The following ARID5B variants were observed in gnomAD, a reference collection of about 807,000 sequenced individuals.
ARID5B encodes AT-rich interaction domain 5B, also known as AT-rich interactive domain-containing protein 5B.
A neutral mutation model predicts 97.2 loss-of-function variants in ARID5B; 13 were observed. That is an observed-to-expected ratio of 0.13 (90% confidence interval 0.09 to 0.21). The LOEUF (loss-of-function observed/expected upper bound fraction) is 0.21, where lower values mean the gene tolerates loss of function less well. Among genes scored for constraint, ARID5B ranks in the 10% least tolerant of loss-of-function variants. ARID5B has a pLI of 1.00. For synonymous variants in ARID5B, 556 were observed against 570.3 expected, an observed-to-expected ratio of 0.97 and a Z score of 0.36; for missense variants, 1,210 against 1,465.3, an observed-to-expected ratio of 0.83 and a Z score of 2.84.
chr10:62,064,008 C>T lies in ARID5B; in HGVS notation c.1101+4713C>T, dbSNP rs1839955382. Among the ~76,000 whole-genome samples, 3 of 152,156 alleles carry T rather than the reference C, an allele frequency of 2.0e-5. No homozygotes were observed. The South Asian group carries it at 6.2e-4, about 32-fold the overall frequency. On this transcript the variant is annotated intron_variant, in intron 7 of 9. Transcript: ENST00000279873. Reference sequence around the variant, plus strand: ...GAAATGGGTCTTGAGTACATCTTGTCCTCAAGGCACAGGGTGATACACAGT... The same window carrying T: ...GAAATGGGTCTTGAGTACATCTTGTTCTCAAGGCACAGGGTGATACACAGT...
At position 62,091,274 on chromosome 10, in the gene ARID5B, C is replaced by G; in HGVS notation, c.1811C>G (p.Pro604Arg). The G allele has an allele frequency of 1.2e-6, 2 of 1,614,188 alleles. No homozygotes were observed. Among genetic ancestry groups the G allele is most frequent in the Non-Finnish European group, 1.7e-6 (2 of 1,180,030 alleles). The change falls in exon 10 of 10, where the codon CCG (proline) becomes CGG (arginine). Residue 604 changes from proline (P) to arginine (R), a missense_variant. By Grantham distance (103) the Pro-to-Arg change is moderately radical (BLOSUM62 -2). Around this residue, in one of 8 missense-constraint regions of ARID5B, gnomAD observed 800 missense variants for 839.1 expected, o/e 0.95. Transcript: ENST00000279873. ...CCCAGCTTCCCCACCACACAGCCAC[C>G]GCTGGCAAACCAGAATGAGACGGAG... Reference protein sequence around the residue: ...SFPSFPTTQPPLANQNETEDD... With the variant: ...SFPSFPTTQPRLANQNETEDD...
intron 4 of ARID5B, among the ~76,000 whole-genome samples, chr10:62,001,077 G>A (rs1224715073): frequency 1.3e-5 from 2 of 152,186 alleles, no homozygotes; most frequent in Middle Eastern, 3.2e-3. Context: ...AGCCTTACAC[G>A]GTGCAGTAGA....
At chr10:61,989,329 A>G (rs933794526) in intron 3 of ARID5B, among the ~76,000 whole-genome samples, 1 of 152,098 alleles carries the variant, frequency 6.6e-6, no homozygotes, top group Non-Finnish European at 1.5e-5. Flanking sequence ...TTCTGTTTAC[A>G]TTTTCAATGT....
At position 62,094,291 on chromosome 10, in the gene ARID5B, G is replaced by T. The variant is rs1840433227; in HGVS notation, c.*1261G>T. The stretch of plus-strand genomic sequence containing the variant: ...AAGAGGAGCAGCTGCAGTCCTGATA[G>T]CTTCTCTAGCCTCGGTCTTTTGAGT... On this transcript the variant is annotated 3_prime_UTR_variant, in exon 10 of 10. Transcript: ENST00000279873. 4 of 231,520 alleles carry T rather than the reference G, an allele frequency of 1.7e-5. No homozygotes were observed. In the East Asian group the frequency reaches 2.4e-4, roughly 14 times the overall value. The allele number at this position is 231,520 out of a possible 1,614,324, so 14.3% of individuals were successfully genotyped here.
At chr10:62,069,870 A>G in intron 8 of ARID5B, 73 bp downstream of exon 8, 1 of 1,459,438 alleles carries the variant, frequency 6.9e-7, no homozygotes, top group Non-Finnish European at 9.5e-7. Context: ...CAAGGATAAG[A>G]CAGAGGAAGT....
At chr10:61,942,968 T>TA (rs1262803460) in intron 3 of ARID5B, among the ~76,000 whole-genome samples, 3 of 152,226 alleles carry the variant, frequency 2.0e-5, no homozygotes, top group African/African-American at 7.2e-5. Context: ...ACCATGTACT[T>TA]AAAAAATTTT....
chr10:62,013,006 G>A (rs1839236704), intron 4 of ARID5B, among the ~76,000 whole-genome samples: 1 of 152,082 alleles, frequency 6.6e-6, no homozygotes, highest in African/African-American at 2.4e-5. Context: ...TGGATTCTAG[G>A]AATCTCTTAT....
intron 2 of ARID5B, among the ~76,000 whole-genome samples, chr10:61,928,455 C>T (rs1027292749): frequency 2.0e-5 from 3 of 152,156 alleles, no homozygotes; most frequent in Admixed American, 6.5e-5. Flanking sequence ...CACCTGCCAC[C>T]ATGCCTGGCT....
intron 4 of ARID5B, among the ~76,000 whole-genome samples, chr10:62,043,223 TC>T (rs1564634798): frequency 1.3e-5 from 2 of 152,116 alleles, no homozygotes; most frequent in African/African-American, 4.8e-5. Context: ...TCCAGAATTC[TC>T]CCCTTAGAGA....
At chr10:61,955,368 T>C (rs1208205734) in intron 3 of ARID5B, among the ~76,000 whole-genome samples, 1 of 152,200 alleles carries the variant, frequency 6.6e-6, no homozygotes, top group Admixed American at 6.5e-5. Context: ...GCATCACTTC[T>C]CACATTTCAT....
intron 3 of ARID5B, among the ~76,000 whole-genome samples, chr10:61,989,359 A>T (rs1838891490): frequency 6.6e-6 from 1 of 152,224 alleles, no homozygotes; most frequent in Admixed American, 6.5e-5. Flanking sequence ...AAGTTGGCTC[A>T]CATTGTGTTT....
At position 61,958,895 on chromosome 10, in the gene ARID5B, GAAAGT is replaced by G. The variant is rs374327490; in HGVS notation, c.502+18488_502+18492del. Among the ~76,000 whole-genome samples, 426 of 152,320 alleles carry G rather than the reference GAAAGT, an allele frequency of 2.8e-3. 2 individuals carry two copies. Among genetic ancestry groups the G allele is most frequent in the Middle Eastern group, 0.027 (8 of 294 alleles). The stretch of plus-strand genomic sequence containing the variant: ...ACCAAAGCTCTAGCACTTCCATCCA[GAAAGT>G]GTTCTGAGGAGTTGAAGGCTCTTTC... On this transcript the variant is annotated intron_variant, in intron 3 of 9. Transcript: ENST00000279873.
chr10:62,034,775 T>C (rs560457527), intron 4 of ARID5B, among the ~76,000 whole-genome samples: 5 of 152,384 alleles, frequency 3.3e-5, no homozygotes, highest in African/African-American at 9.6e-5. Flanking sequence ...TAAAAATCTT[T>C]ATTGGAATTT....
chr10:61,935,969 A>G (rs1035303649), intron 2 of ARID5B, among the ~76,000 whole-genome samples: 1 of 152,168 alleles, frequency 6.6e-6, no homozygotes, highest in African/African-American at 2.4e-5. Context: ...CCTACTATAT[A>G]TACACTTGAA....
chr10:61,960,465 A>G (rs1007926210), intron 3 of ARID5B, among the ~76,000 whole-genome samples: 1 of 152,196 alleles, frequency 6.6e-6, no homozygotes, highest in Admixed American at 6.5e-5. Flanking sequence ...TTTAACAGCA[A>G]TGTGTTTATT....
At chr10:61,941,777 C>T (rs112779912) in intron 3 of ARID5B, among the ~76,000 whole-genome samples, 8,327 of 152,196 alleles carry the variant, frequency 0.055, 324 homozygotes, top group Non-Finnish European at 0.073. Context: ...GTCACCTGCA[C>T]ATTTAGAGAC....
chr10:62,067,525 C>G (rs1253226512), intron 7 of ARID5B, among the ~76,000 whole-genome samples: 1 of 152,244 alleles, frequency 6.6e-6, no homozygotes, highest in East Asian at 1.9e-4. Flanking sequence ...GGGAAAGACT[C>G]AAAGCTAAAG....
intron 2 of ARID5B, among the ~76,000 whole-genome samples, chr10:61,906,467 T>C (rs991191385): frequency 3.3e-5 from 5 of 152,270 alleles, no homozygotes; most frequent in African/African-American, 1.2e-4. Context: ...CTTAATCTAT[T>C]GGCAGTATAC....
chr10:62,075,651 C>T (rs926323736), intron 8 of ARID5B, among the ~76,000 whole-genome samples: 7 of 152,236 alleles, frequency 4.6e-5, no homozygotes, highest in African/African-American at 1.7e-4. Flanking sequence ...CTTCCTGTTC[C>T]ATTCAACCAA....
Sources: gnomAD v4.1 joint callset for allele counts (sites outside exome capture counted in the v4.1 genomes callset) on GRCh38, gnomAD v4.1.1 for gene constraint, gnomAD v4.1.1 regional missense constraint, MANE v1.5 for transcripts, NCBI Gene and HGNC (gene_info 2026-07-23, HGNC 2026-07-21) for gene names.